Variants in SH3BP5 observed in about 807,000 individuals in gnomAD.
SH3BP5 encodes SH3 domain-binding protein 5.
A neutral mutation model predicts 43.3 loss-of-function variants in SH3BP5; 22 were observed. The ratio of observed to expected loss-of-function variants is 0.51; its 90% CI spans 0.36 to 0.73. The LOEUF (loss-of-function observed/expected upper bound fraction) is 0.73. SH3BP5 is among the 30% of genes least tolerant of loss of function. The probability of loss-of-function intolerance (pLI) is 0.00; values close to 1 mark genes in which losing one functional copy is unlikely to be tolerated. For missense variants in SH3BP5, 529 were observed against 586.9 expected (o/e 0.90, Z 1.02); for synonymous variants, 255 against 225.8 (o/e 1.13, Z -1.16).
At chr3:15,310,675 A>G (rs1431303916) in intron 2 of SH3BP5, among the ~76,000 whole-genome samples, 4 of 152,196 alleles carry the variant, frequency 2.6e-5, no homozygotes, top group African/African-American at 7.2e-5. Context: ...CTGTTTACCA[A>G]GGGAGTTTTT....
chr3:15,256,054 T>G lies in SH3BP5; in HGVS notation c.*32A>C. ...GTTCTCCAGTTCCATGTATAAATGT[T>G]GATATGCACATCGGCCAGGGCCCAG... On this transcript the variant is annotated 3_prime_UTR_variant, in exon 9 of 9. Transcript: ENST00000383791. 2 of 1,513,994 alleles carry G rather than the reference T, an allele frequency of 1.3e-6. No homozygotes were observed. Among genetic ancestry groups the G allele is most frequent in the Non-Finnish European group, 1.8e-6 (2 of 1,094,966 alleles). 93.8% of individuals were successfully genotyped at this position (1,513,994 alleles called of 1,614,324 possible).
intron 2 of SH3BP5, among the ~76,000 whole-genome samples, chr3:15,323,163 T>TAAATAAATAAAG (rs1481281253): frequency 3.5e-5 from 5 of 144,056 alleles, no homozygotes; most frequent in African/African-American, 1.3e-4. Flanking sequence ...AATAAATAAA[T>TAAATAAATAAAG]AAAGCAGGGC....
intron 2 of SH3BP5, among the ~76,000 whole-genome samples, chr3:15,319,950 C>G (rs1243895935): frequency 6.6e-6 from 1 of 152,168 alleles, no homozygotes; most frequent in African/African-American, 2.4e-5. Flanking sequence ...TTGTTTTAAG[C>G]TATTACGGCT....
chr3:15,283,811 C>A (rs959759252), intron 3 of SH3BP5, among the ~76,000 whole-genome samples: 1 of 152,254 alleles, frequency 6.6e-6, no homozygotes, highest in Non-Finnish European at 1.5e-5. Flanking sequence ...CACAACTCCA[C>A]CTCTACTGCC....
rs115285952 is a variant in SH3BP5 at position 15,340,519 on chromosome 3, C to G, written c.-402+704G>C. On this transcript the variant is annotated intron_variant, in intron 1 of 8. Coordinates refer to the SH3BP5 transcript ENST00000408919. ...TGGTGGCTCACACCTGTAATCCCAACACTTTGGGATCACCTGAGATCAGGA... is the reference window on the plus strand; with the variant it reads ...TGGTGGCTCACACCTGTAATCCCAAGACTTTGGGATCACCTGAGATCAGGA... Among the ~76,000 whole-genome samples, 310 of 152,242 alleles carry G rather than the reference C, an allele frequency of 2.0e-3. 1 individual carries two copies. The highest frequency in any genetic ancestry group is 7.1e-3 in the African/African-American group (293 of 41,544).
At chr3:15,287,422 A>G (rs1697295995) in intron 3 of SH3BP5, among the ~76,000 whole-genome samples, 1 of 152,230 alleles carries the variant, frequency 6.6e-6, no homozygotes, top group Admixed American at 6.5e-5. Context: ...TGAAAGTTAC[A>G]TTGACTTGTG....
At chr3:15,263,251 C>T (rs1696518347) in intron 4 of SH3BP5, among the ~76,000 whole-genome samples, 1 of 152,206 alleles carries the variant, frequency 6.6e-6, no homozygotes, top group African/African-American at 2.4e-5. Flanking sequence ...CCGTTCACAC[C>T]TTGGGGCAGG....
chr3:15,314,313 T>C (rs1379207062), intron 2 of SH3BP5, among the ~76,000 whole-genome samples: 1 of 151,850 alleles, frequency 6.6e-6, no homozygotes, highest in Non-Finnish European at 1.5e-5. Flanking sequence ...CCTAGATCCT[T>C]TTCTGCTTTG....
In SH3BP5 at chr3:15,315,714, C is replaced by T. The variant is rs562327910; in HGVS notation, c.202-11483G>A. ...GCAGGTGAGCACCCAGTTCCACCTC[C>T]TAGAACATTGCAGCCCTCCTTTCAA... is the stretch of plus-strand genomic sequence containing the variant. On this transcript the variant is annotated intron_variant, in intron 2 of 8. Transcript: ENST00000383791. Among the ~76,000 whole-genome samples the T allele has an allele frequency of 3.9e-5, 6 of 152,254 alleles. No homozygotes were observed. The South Asian group carries it at 1.2e-3, about 32-fold the overall frequency.
chr3:15,294,077 C>CAAA (rs111324706), intron 3 of SH3BP5, among the ~76,000 whole-genome samples: 192 of 70,896 alleles, frequency 2.7e-3, no homozygotes, highest in African/African-American at 7.6e-3. Flanking sequence ...GTCTCCATCT[C>CAAA]AAAAAAAAAA....
rs1696534756 is a variant in SH3BP5, at chr3:15,263,723, T to C, written c.496-1434A>G. Among the ~76,000 whole-genome samples the C allele has an allele frequency of 2.0e-5, 3 of 152,314 alleles. No individual in the cohort carries two copies. In the South Asian group the frequency reaches 6.2e-4, roughly 32 times the overall value. On this transcript the variant is annotated intron_variant, in intron 4 of 8. Coordinates refer to ENST00000383791, the MANE Select transcript of SH3BP5 (RefSeq NM_004844.5). ...GGGCAATGTTAATTCTCTCCTTGCTTACCTACAGAAAAGCATCAGAACAAG... is the reference window on the plus strand; with the variant it reads ...GGGCAATGTTAATTCTCTCCTTGCTCACCTACAGAAAAGCATCAGAACAAG...
intron 7 of SH3BP5, 160 bp from the exon 8 acceptor site, chr3:15,257,273 C>A (rs1250907778): frequency 7.1e-6 from 5 of 700,242 alleles, no homozygotes; most frequent in Non-Finnish European, 2.3e-6. Context: ...GCCTGAATGA[C>A]CAGCCTCTAA....
intron 2 of SH3BP5, among the ~76,000 whole-genome samples, chr3:15,308,120 T>C (rs1553618411): frequency 6.6e-6 from 1 of 152,240 alleles, no homozygotes; most frequent in Non-Finnish European, 1.5e-5. Flanking sequence ...CTCTGGTGTC[T>C]GAATCACTCA....
At chr3:15,280,044 A>G (rs1363091614) in intron 3 of SH3BP5, among the ~76,000 whole-genome samples, 1 of 152,180 alleles carries the variant, frequency 6.6e-6, no homozygotes, top group Non-Finnish European at 1.5e-5. Flanking sequence ...ACTTAGCCTG[A>G]GTCAGTGTGC....
chr3:15,308,281 T>C (rs1697965003), intron 2 of SH3BP5, among the ~76,000 whole-genome samples: 1 of 152,238 alleles, frequency 6.6e-6, no homozygotes. Context: ...CAGGCACTAC[T>C]GTCAGTGCTT....
intron 3 of SH3BP5, among the ~76,000 whole-genome samples, chr3:15,277,478 G>C (rs1188285140): frequency 1.3e-5 from 2 of 152,148 alleles, no homozygotes; most frequent in African/African-American, 4.8e-5. Context: ...TGGGGAGAAG[G>C]CCTGCTGCTG....
At chr3:15,311,071 G>A (rs926868136) in intron 2 of SH3BP5, among the ~76,000 whole-genome samples, 4 of 152,188 alleles carry the variant, frequency 2.6e-5, no homozygotes, top group Non-Finnish European at 5.9e-5. Flanking sequence ...AATTAAGTGA[G>A]ATAAAGATGG....
chr3:15,295,979 G>A (rs184462209), intron 3 of SH3BP5, among the ~76,000 whole-genome samples: 1 of 120,354 alleles, frequency 8.3e-6, no homozygotes, highest in South Asian at 2.7e-4. Context: ...CTAAATAAGG[G>A]GTCTTTAAAC....
chr3:15,256,619 T>TA (rs1169806966), intron 8 of SH3BP5: 20 of 604,200 alleles, frequency 3.3e-5, no homozygotes, highest in Non-Finnish European at 5.2e-5. Context: ...AGGAGACTGT[T>TA]CTGATGTGAG....
Sources: gnomAD v4.1 joint callset for allele counts (sites outside exome capture counted in the v4.1 genomes callset) on GRCh38, gnomAD v4.1.1 for gene constraint, MANE v1.5 for transcripts, NCBI Gene and HGNC (gene_info 2026-07-23, HGNC 2026-07-21) for gene names.